The following GALNT16 variants were observed in gnomAD, a reference collection of about 807,000 sequenced individuals.
The protein encoded by GALNT16 is UDP-GalNAc:polypeptide N-acetylgalactosaminyltransferase-like protein 1.
A neutral mutation model predicts 76.1 loss-of-function variants in GALNT16; 40 were observed. The ratio of observed to expected loss-of-function variants is 0.53; its 90% CI spans 0.41 to 0.68. The LOEUF (loss-of-function observed/expected upper bound fraction) is 0.68. Among genes scored for constraint, GALNT16 ranks in the 30% least tolerant of loss-of-function variants. The probability of loss-of-function intolerance (pLI) is 0.00; values close to 1 mark genes in which losing one functional copy is unlikely to be tolerated. For synonymous variants in GALNT16, 276 were observed against 285.2 expected, an observed-to-expected ratio of 0.97 and a Z score of 0.32; for missense variants, 621 against 731.9, an observed-to-expected ratio of 0.85 and a Z score of 1.75.
At chr14:69,285,475 A>G (rs954998752) in intron 1 of GALNT16, among the ~76,000 whole-genome samples, 3 of 152,058 alleles carry the variant, frequency 2.0e-5, no homozygotes, top group African/African-American at 7.3e-5. Flanking sequence ...TACTGTTGTC[A>G]TTATTGTTAT....
intron 2 of GALNT16, among the ~76,000 whole-genome samples, chr14:69,322,710 G>A (rs1286701989): frequency 4.6e-5 from 7 of 152,114 alleles, no homozygotes; most frequent in African/African-American, 1.7e-4. Flanking sequence ...TGCCTATCAT[G>A]GTGAAACCCT....
At chr14:69,299,321 G>A (rs1184941126) in intron 1 of GALNT16, among the ~76,000 whole-genome samples, 2 of 152,180 alleles carry the variant, frequency 1.3e-5, no homozygotes, top group Admixed American at 1.3e-4. Context: ...TGCTCCCTAA[G>A]GGATCTCGCC....
chr14:69,378,362 C>A, the GALNT16 span, among the ~76,000 whole-genome samples: 6 of 152,140 alleles, frequency 3.9e-5, no homozygotes, highest in African/African-American at 1.4e-4. Flanking sequence ...GGAGGTTTCA[C>A]CTTTATGTAG....
At chr14:69,358,203 G>A (rs2045704589), downstream of GALNT16, 3 of 152,410 alleles carry the variant, frequency 2.0e-5, no homozygotes, top group African/African-American at 7.2e-5. Flanking sequence ...GAACCAGGAG[G>A]TAAGAGTCTC....
the GALNT16 span, among the ~76,000 whole-genome samples, chr14:69,365,856 C>T: frequency 2.0e-5 from 3 of 152,074 alleles, no homozygotes; most frequent in South Asian, 6.2e-4. Flanking sequence ...ACATACCAAG[C>T]AGGGTTTAGG....
chr14:69,320,844 C>T lies in GALNT16; in HGVS notation c.311C>T (p.Pro104Leu), dbSNP rs1489878493. The change falls in exon 2 of 15, where the codon CCC becomes CTC. Residue 104 changes from proline to leucine, a missense_variant. Coordinates refer to ENST00000448469, the MANE Select transcript of GALNT16 (RefSeq NM_001168368.2). ...AGTGACAAGCTGAGCCCAGACCGGC[C>T]CATCCGGGACACCCGCCATTACAGG... is the stretch of plus-strand genomic sequence containing the variant. ...LESDKLSPDRPIRDTRHYSCP... is the reference protein window; with the variant it reads ...LESDKLSPDRLIRDTRHYSCP... 6.2e-7 allele frequency: 1 copy of T among 1,612,940 alleles called. No individual in the cohort carries two copies. The highest frequency in any genetic ancestry group is 1.3e-5 in the African/African-American group (1 of 74,944).
At chr14:69,285,040 C>CGTTTTT in intron 1 of GALNT16, among the ~76,000 whole-genome samples, 2 of 127,502 alleles carry the variant, frequency 1.6e-5, no homozygotes, top group Non-Finnish European at 1.6e-5. Context: ...CTCGGGCACT[C>CGTTTTT]TTTTTTTTTT....
chr14:69,341,308 C>T (rs1289356125), intron 11 of GALNT16, among the ~76,000 whole-genome samples: 1 of 152,214 alleles, frequency 6.6e-6, no homozygotes, highest in Non-Finnish European at 1.5e-5. Context: ...CTTGCTCTTC[C>T]TGCTGTTAGA....
chr14:69,322,980 GTGCGCGCGCACGCGCGCACGCA>G (rs146942550), intron 2 of GALNT16, among the ~76,000 whole-genome samples: 4,014 of 37,138 alleles, frequency 0.11, 202 homozygotes, highest in African/African-American at 0.31. Context: ...GTGTGTGTGT[GTGCGCGCGCACGCGCGCACGCA>G]TGCACACGTG....
At chr14:69,339,758 G>T in intron 11 of GALNT16, 139 bp downstream of exon 11, 1 of 594,960 alleles carries the variant, frequency 1.7e-6, no homozygotes, top group South Asian at 2.1e-5. Context: ...GGGCTTCTTT[G>T]GGTCCTGGGA....
At chr14:69,267,009 G>T (rs933732293) in intron 1 of GALNT16, among the ~76,000 whole-genome samples, 1 of 152,224 alleles carries the variant, frequency 6.6e-6, no homozygotes, top group Non-Finnish European at 1.5e-5. Flanking sequence ...TCTGCCTGGT[G>T]GAGGCACCTT....
the GALNT16 span, among the ~76,000 whole-genome samples, chr14:69,381,865 T>G: frequency 3.3e-5 from 5 of 152,194 alleles, no homozygotes; most frequent in African/African-American, 1.2e-4. Flanking sequence ...ATGTTTTGTA[T>G]TTTTAGTAGA....
intron 1 of GALNT16, among the ~76,000 whole-genome samples, chr14:69,271,194 T>G (rs2044403029): frequency 6.6e-6 from 1 of 152,044 alleles, no homozygotes; most frequent in Admixed American, 6.5e-5. Context: ...GTTTTTTGTA[T>G]AGCAGAGAAC....
chr14:69,332,929 T>C (rs569018451), intron 7 of GALNT16, among the ~76,000 whole-genome samples, 156 bp from the exon 8 acceptor site: 1 of 151,998 alleles, frequency 6.6e-6, no homozygotes, highest in East Asian at 1.9e-4. Flanking sequence ...GTACACTTCC[T>C]GAGAGGAGGA....
intron 12 of GALNT16, among the ~76,000 whole-genome samples, chr14:69,346,769 C>G (rs968570822): frequency 6.6e-6 from 1 of 152,182 alleles, no homozygotes; most frequent in African/African-American, 2.4e-5. Context: ...AGCCTGAGCT[C>G]CGCCCATGGC....
At chr14:69,323,275 C>T (rs2045230099) in intron 2 of GALNT16, among the ~76,000 whole-genome samples, 1 of 152,208 alleles carries the variant, frequency 6.6e-6, no homozygotes, top group East Asian at 1.9e-4. Context: ...AGGGCTGGGA[C>T]AAACCCCTTT....
chr14:69,380,548 G>T, the GALNT16 span: 1 of 1,363,696 alleles, frequency 7.3e-7, no homozygotes. Context: ...TTATTTCCCA[G>T]CCTGTTGGGC....
chr14:69,384,322 G>A, the GALNT16 span, among the ~76,000 whole-genome samples: 2 of 152,208 alleles, frequency 1.3e-5, no homozygotes, highest in Non-Finnish European at 2.9e-5. Context: ...CTCACAAGGA[G>A]TCTTATGAAC....
At chr14:69,360,678 GAAAGAAA>G (rs1270702993), downstream of GALNT16, among the ~76,000 whole-genome samples, 1 of 152,046 alleles carries the variant, frequency 6.6e-6, no homozygotes, top group Non-Finnish European at 1.5e-5. Context: ...GAAAAAAAAG[GAAAGAAA>G]AAAGAAAAGA....
Sources: allele counts gnomAD v4.1 joint callset (sites outside exome capture counted in the v4.1 genomes callset), GRCh38; gene constraint gnomAD v4.1.1; transcripts MANE v1.5; gene names NCBI Gene and HGNC (gene_info 2026-07-23, HGNC 2026-07-21).